DLGAP2: variants seen among roughly 807,000 people sequenced by gnomAD.
DLGAP2 encodes disks large-associated protein 2.
In DLGAP2, 26 loss-of-function variants were observed where a neutral mutation model predicts 100.3. That is an observed-to-expected ratio of 0.26 (90% CI 0.19 to 0.36). DLGAP2 has a LOEUF of 0.36. Ranked by LOEUF, DLGAP2 falls within the 10% of genes least tolerant of loss-of-function variation. The pLI, the probability that DLGAP2 is intolerant of heterozygous loss-of-function variation, is 1.00. For missense variants in DLGAP2, 1,858 were observed against 1,453.2 expected (o/e 1.28, Z -4.53); for synonymous variants, 886 against 630.1 (o/e 1.41, Z -6.08).
intron 2 of DLGAP2, among the ~76,000 whole-genome samples, chr8:1,026,683 G>C (rs1200189493): frequency 6.6e-6 from 1 of 152,174 alleles, no homozygotes; most frequent in Non-Finnish European, 1.5e-5. Context: ...ATTTTGAATT[G>C]AAAATATTGA....
rs115128833 is a variant in DLGAP2, at chr8:1,699,718, C to T, written c.2950-1470C>T. ...GCACAGCAGAGGCTCCGTGCCTGAACAGGAGGCCCTGCCCCTCCTGAACAC... is the reference window on the plus strand; with the variant it reads ...GCACAGCAGAGGCTCCGTGCCTGAATAGGAGGCCCTGCCCCTCCTGAACAC... On this transcript the variant is annotated intron_variant, in intron 14 of 14. Coordinates refer to ENST00000637795, the MANE Select transcript of DLGAP2 (RefSeq NM_001346810.2). Among the ~76,000 whole-genome samples the T allele has an allele frequency of 9.1e-3, 1,391 of 152,312 alleles. 20 individuals are homozygous for T. The highest frequency in any genetic ancestry group is 0.032 in the African/African-American group (1,334 of 41,560).
At chr8:1,030,054 A>G (rs368870418) in intron 2 of DLGAP2, among the ~76,000 whole-genome samples, 2 of 152,156 alleles carry the variant, frequency 1.3e-5, no homozygotes, top group Non-Finnish European at 2.9e-5. Flanking sequence ...TGTCATTACT[A>G]TTTCAACCTC....
intron 2 of DLGAP2, among the ~76,000 whole-genome samples, chr8:1,179,117 C>T (rs1585126492): frequency 2.0e-5 from 3 of 152,268 alleles, no homozygotes; most frequent in Non-Finnish European, 2.9e-5. Context: ...CACCTGTTTA[C>T]GATACCAAAG....
rs80178909 is a variant in DLGAP2, at chr8:1,508,154, C to G, written c.172+6723C>G. On this transcript the variant is annotated intron_variant, in intron 4 of 14. Coordinates refer to ENST00000637795, the MANE Select transcript of DLGAP2 (RefSeq NM_001346810.2). ...TTAGACACATCTAACATTTGTGGAA[C>G]TTAGGATGCCAGGGCTTTTCATCTG... is the stretch of plus-strand genomic sequence containing the variant. Among the ~76,000 whole-genome samples the G allele has an allele frequency of 5.2e-3, 783 of 151,968 alleles. 4 individuals carry two copies. The highest frequency in any genetic ancestry group is 0.017 in the African/African-American group (703 of 41,400).
chr8:1,584,497 C>T (rs1049647743), intron 6 of DLGAP2, among the ~76,000 whole-genome samples: 1 of 152,148 alleles, frequency 6.6e-6, no homozygotes, highest in Non-Finnish European at 1.5e-5. Context: ...GGGCTGCTGG[C>T]TCTTCATTTT....
intron 2 of DLGAP2, among the ~76,000 whole-genome samples, chr8:1,054,199 C>T (rs1802805914): frequency 6.6e-6 from 1 of 152,090 alleles, no homozygotes; most frequent in Admixed American, 6.6e-5. Context: ...CACGCACGCA[C>T]ACACAGATCC....
chr8:1,490,403 C>T (rs537566567), intron 3 of DLGAP2, among the ~76,000 whole-genome samples: 1 of 152,288 alleles, frequency 6.6e-6, no homozygotes, highest in African/African-American at 2.4e-5. Context: ...AATACGTCAG[C>T]TAAAGAAGTT....
At chr8:993,162 T>A (rs868441015) in intron 2 of DLGAP2, among the ~76,000 whole-genome samples, 3 of 12,060 alleles carry the variant, frequency 2.5e-4, no homozygotes, top group Admixed American at 8.8e-4. Context: ...CTTCTCTCCC[T>A]CCTTGCCCGG....
At chr8:1,391,154 C>T (rs558704784) in intron 3 of DLGAP2, among the ~76,000 whole-genome samples, 3 of 152,284 alleles carry the variant, frequency 2.0e-5, no homozygotes, top group South Asian at 2.1e-4. Flanking sequence ...AATGAGACCC[C>T]GGTTGGCTAG....
chr8:840,401 C>T (rs1159688585), intron 1 of DLGAP2, among the ~76,000 whole-genome samples: 2 of 128,318 alleles, frequency 1.6e-5, no homozygotes, highest in Admixed American at 7.8e-5. Flanking sequence ...ATTCTGCGAG[C>T]GCGTCCACAT....
intron 2 of DLGAP2, among the ~76,000 whole-genome samples, chr8:1,239,953 T>C (rs1264071557): frequency 2.1e-4 from 31 of 144,306 alleles, no homozygotes; most frequent in Admixed American, 4.2e-4. Context: ...TGTTGCCGTG[T>C]CTAGTTCTCT....
chr8:1,093,886 G>T (rs909222952), intron 2 of DLGAP2, among the ~76,000 whole-genome samples: 1 of 152,208 alleles, frequency 6.6e-6, no homozygotes, highest in Non-Finnish European at 1.5e-5. Flanking sequence ...ATGGGTGCCA[G>T]CCGAGGGGTC....
chr8:1,373,154 C>A (rs1210379043), intron 3 of DLGAP2, among the ~76,000 whole-genome samples: 1 of 152,172 alleles, frequency 6.6e-6, no homozygotes, highest in African/African-American at 2.4e-5. Context: ...TCATGGGTCT[C>A]ATTTGCTTTG....
chr8:1,282,298 G>T (rs1799834033), intron 3 of DLGAP2, among the ~76,000 whole-genome samples: 1 of 145,816 alleles, frequency 6.9e-6, no homozygotes. Context: ...CCTGAACCCA[G>T]CGCCCTGAAC....
chr8:959,476 G>T (rs1799672430), intron 2 of DLGAP2, among the ~76,000 whole-genome samples: 1 of 152,214 alleles, frequency 6.6e-6, no homozygotes, highest in African/African-American at 2.4e-5. Flanking sequence ...CTTAGAATGT[G>T]GTCTTGAAGA....
At chr8:962,272 G>A (rs914572666) in intron 2 of DLGAP2, among the ~76,000 whole-genome samples, 3 of 152,188 alleles carry the variant, frequency 2.0e-5, no homozygotes, top group South Asian at 2.1e-4. Flanking sequence ...AAAACAGATG[G>A]CGAAGTAAGG....
At chr8:804,691 T>C (rs1454909148) in intron 1 of DLGAP2, among the ~76,000 whole-genome samples, 2 of 152,262 alleles carry the variant, frequency 1.3e-5, no homozygotes, top group Non-Finnish European at 2.9e-5. Flanking sequence ...TTAAATAATC[T>C]TTTCATTTTG....
At chr8:1,412,948 C>T (rs566532744) in intron 3 of DLGAP2, among the ~76,000 whole-genome samples, 4 of 152,186 alleles carry the variant, frequency 2.6e-5, no homozygotes, top group Non-Finnish European at 5.9e-5. Flanking sequence ...CAATACCCAG[C>T]TCAAGTGTCC....
chr8:941,989 T>G (rs1441499798), intron 2 of DLGAP2, among the ~76,000 whole-genome samples: 2 of 152,146 alleles, frequency 1.3e-5, no homozygotes, highest in Non-Finnish European at 2.9e-5. Flanking sequence ...GTTGTCTCTC[T>G]TTAAAAAATG....
Sources: allele counts gnomAD v4.1 joint callset (sites outside exome capture counted in the v4.1 genomes callset), GRCh38; gene constraint gnomAD v4.1.1; transcripts MANE v1.5; gene names NCBI Gene and HGNC (gene_info 2026-07-23, HGNC 2026-07-21).